The following SLC8A3 variants were observed in gnomAD, a reference collection of about 807,000 sequenced individuals.
The protein encoded by SLC8A3 is sodium/calcium exchanger 3.
SLC8A3 carries 37 observed loss-of-function variants against 65.4 expected under a neutral mutation model. The ratio of observed to expected loss-of-function variants is 0.57; its 90% CI spans 0.44 to 0.74. The LOEUF (loss-of-function observed/expected upper bound fraction) is 0.74. SLC8A3 is among the 30% of genes least tolerant of loss of function. The pLI is 0.00. For synonymous variants in SLC8A3, 461 were observed against 444.5 expected (o/e 1.04, Z -0.47); for missense variants, 1,112 against 1,172.1 (o/e 0.95, Z 0.75).
At chr14:70,075,355 C>A (rs1022594228) in intron 2 of SLC8A3, among the ~76,000 whole-genome samples, 1 of 152,178 alleles carries the variant, frequency 6.6e-6, no homozygotes, top group Non-Finnish European at 1.5e-5. Context: ...TCAGCTCCCA[C>A]GTGCCTGCCC....
chr14:70,132,505 G>A (rs779478604), intron 2 of SLC8A3, among the ~76,000 whole-genome samples: 2 of 152,206 alleles, frequency 1.3e-5, no homozygotes, highest in Non-Finnish European at 2.9e-5. Flanking sequence ...AGCCACAGAA[G>A]CAGCATTGTC....
At chr14:70,068,841 C>A (rs1889721819) in intron 2 of SLC8A3, among the ~76,000 whole-genome samples, 1 of 152,184 alleles carries the variant, frequency 6.6e-6, no homozygotes, top group South Asian at 2.1e-4. Context: ...ATCTTCCCAC[C>A]TCAGCCTACC....
intron 2 of SLC8A3, among the ~76,000 whole-genome samples, chr14:70,164,400 C>T (rs1227843184): frequency 6.6e-6 from 1 of 151,894 alleles, no homozygotes; most frequent in African/African-American, 2.4e-5. Context: ...TGAATGAAGT[C>T]TAAAAAATAA....
At chr14:70,087,447 C>T (rs992962825) in intron 2 of SLC8A3, among the ~76,000 whole-genome samples, 16 of 152,146 alleles carry the variant, frequency 1.1e-4, no homozygotes, top group African/African-American at 3.1e-4. Flanking sequence ...CAATGGCTAC[C>T]GGGACTTGTG....
chr14:70,095,942 C>T (rs974623431), intron 2 of SLC8A3, among the ~76,000 whole-genome samples: 7 of 151,804 alleles, frequency 4.6e-5, no homozygotes, highest in African/African-American at 9.7e-5. Flanking sequence ...AGTGCAGTGG[C>T]GCAATCTCTG....
chr14:70,045,839 G>T lies in SLC8A3; in HGVS notation c.*108C>A. The T allele has an allele frequency of 8.6e-7, 1 of 1,161,894 alleles. No homozygotes were observed. The highest frequency in any genetic ancestry group is 1.2e-6 in the Non-Finnish European group (1 of 843,554). The allele number at this position is 1,161,894 out of a possible 1,614,324, so 72.0% of individuals were successfully genotyped here. A position where few individuals can be genotyped will look rare whatever the true frequency, so the allele number is the denominator to read the frequency against. Reference sequence around the variant, plus strand: ...GTGAAGTTCCTGGGGCTTAGGTCCTGATGCTGCCTCTCCAGGGCAGTGCAG... The same window carrying T: ...GTGAAGTTCCTGGGGCTTAGGTCCTTATGCTGCCTCTCCAGGGCAGTGCAG... On this transcript the variant is annotated 3_prime_UTR_variant, in exon 7 of 7. Coordinates refer to ENST00000356921, the MANE Select transcript of SLC8A3 (RefSeq NM_182932.3).
chr14:70,046,313 G>A lies in SLC8A3; in HGVS notation c.2400C>T (p.Ala800=), dbSNP rs140112359. ...AFGTSVPDTF[A]SKAAALQDVY... is the part of the protein sequence containing the mutation. ...CATCCTGGAGGGCAGCAGCTTTGCT[G>A]GCAAACGTATCTGGAAAAGGACAAA... Residue 800 remains alanine, a synonymous_variant, in exon 7 of 7, where the codon GCC becomes GCT. Transcript: ENST00000356921. The surrounding 1 kb of genome is among the most constrained non-coding windows in gnomAD (Gnocchi z 4.2). The A allele has an allele frequency of 3.7e-5, 60 of 1,605,120 alleles. No individual in the cohort carries two copies. The highest frequency in any genetic ancestry group is 4.9e-5 in the Non-Finnish European group (58 of 1,174,466).
At chr14:70,119,813 AC>A (rs1233154091) in intron 2 of SLC8A3, among the ~76,000 whole-genome samples, 1 of 152,278 alleles carries the variant, frequency 6.6e-6, no homozygotes, top group East Asian at 1.9e-4. Context: ...AATTCTTGGC[AC>A]ATTGCCTGAC....
rs1348641413 is a variant in SLC8A3 at position 70,050,996 on chromosome 14, G to C, written c.2113+12C>G. On this transcript the variant is annotated intron_variant, in intron 5 of 6. Transcript: ENST00000356921. ...GCTTCTCCCAGCAAGGCCAGCCTGA[G>C]ACACTTCTCACCTGCACTGACGGTG... 1 of 1,584,828 alleles carries C rather than the reference G, an allele frequency of 6.3e-7. No individual in the cohort carries two copies. Among genetic ancestry groups the C allele is most frequent in the East Asian group, 2.2e-5 (1 of 44,712 alleles).
intron 2 of SLC8A3, among the ~76,000 whole-genome samples, chr14:70,112,296 T>A (rs914527483): frequency 2.6e-5 from 4 of 152,158 alleles, no homozygotes; most frequent in Non-Finnish European, 2.9e-5. Flanking sequence ...CTCATCAGTG[T>A]CTCGGAATAA....
intron 2 of SLC8A3, among the ~76,000 whole-genome samples, chr14:70,147,646 CT>C (rs1458188607): frequency 1.3e-5 from 2 of 152,130 alleles, no homozygotes; most frequent in African/African-American, 4.8e-5. Context: ...GTGAGAGATT[CT>C]CTCTCCCCGT....
chr14:70,097,966 T>C (rs1892300691), intron 2 of SLC8A3, among the ~76,000 whole-genome samples: 1 of 152,220 alleles, frequency 6.6e-6, no homozygotes, highest in African/African-American at 2.4e-5. Context: ...TGTGTTAGTG[T>C]TGTCCTCTCT....
At position 70,185,429 on chromosome 14, in the gene SLC8A3, C is replaced by T. The variant is rs140854877; in HGVS notation, c.-63+2950G>A. On this transcript the variant is annotated intron_variant, in intron 1 of 6. Coordinates refer to ENST00000356921, the MANE Select transcript of SLC8A3 (RefSeq NM_182932.3). ...TATCAACAACTGTGCCCAGAGAATG[C>T]AAGAGGAACCATCCTGCACAGGCAA... Among the ~76,000 whole-genome samples the T allele has an allele frequency of 9.4e-4, 143 of 152,314 alleles. 3 individuals are homozygous for T. In the East Asian group the frequency reaches 0.027, roughly 28 times the overall value.
intron 2 of SLC8A3, among the ~76,000 whole-genome samples, chr14:70,105,401 TGA>T (rs1349854109): frequency 2.0e-5 from 3 of 152,016 alleles, no homozygotes; most frequent in Non-Finnish European, 4.4e-5. Flanking sequence ...TTTAAAAAAG[TGA>T]GAGAGGGAAC....
chr14:70,085,293 A>T (rs1311366546), intron 2 of SLC8A3, among the ~76,000 whole-genome samples: 2 of 152,218 alleles, frequency 1.3e-5, no homozygotes, highest in Non-Finnish European at 2.9e-5. Flanking sequence ...AAAATTATAT[A>T]GGAATAGTAA....
intron 1 of SLC8A3, among the ~76,000 whole-genome samples, chr14:70,186,205 G>A (rs755203640): frequency 1.1e-4 from 16 of 152,002 alleles, no homozygotes; most frequent in African/African-American, 2.4e-5. Flanking sequence ...TCTTGCTGCC[G>A]CCATGTGAAG....
At chr14:70,092,016 C>G (rs10139405) in intron 2 of SLC8A3, among the ~76,000 whole-genome samples, 9,409 of 152,232 alleles carry the variant, frequency 0.062, 311 homozygotes, top group African/African-American at 0.078. Context: ...CCCTCACAGA[C>G]TGTAAACTTT....
chr14:70,102,692 A>G (rs959680769), intron 2 of SLC8A3, among the ~76,000 whole-genome samples: 1 of 152,166 alleles, frequency 6.6e-6, no homozygotes, highest in Non-Finnish European at 1.5e-5. Flanking sequence ...TGGCCTTAAT[A>G]TCAGATTGAA....
At chr14:70,174,675 T>TG (rs1897780931) in intron 1 of SLC8A3, among the ~76,000 whole-genome samples, 2 of 133,620 alleles carry the variant, frequency 1.5e-5, no homozygotes, top group Admixed American at 7.4e-5. Context: ...TTTTTTTTTT[T>TG]TTTTTTTTTT....
Sources: allele counts gnomAD v4.1 joint callset (sites outside exome capture counted in the v4.1 genomes callset), GRCh38; gene constraint gnomAD v4.1.1; non-coding constraint Gnocchi (gnomAD v3.1); transcripts MANE v1.5; gene names NCBI Gene and HGNC (gene_info 2026-07-23, HGNC 2026-07-21).